The following DPP6 variants were observed in gnomAD, a reference collection of about 807,000 sequenced individuals.
DPP6 encodes A-type potassium channel modulatory protein DPP6.
Under a neutral mutation model 122.6 loss-of-function variants are expected in DPP6, and 69 were observed. The ratio of observed to expected loss-of-function variants is 0.56; its 90% confidence interval spans 0.46 to 0.69. The LOEUF is 0.69. Ranked by LOEUF, DPP6 falls within the 30% of genes least tolerant of loss-of-function variation. The probability of loss-of-function intolerance (pLI) is 0.00; values close to 1 mark genes in which losing one functional copy is unlikely to be tolerated. For synonymous variants in DPP6, 418 were observed against 433.1 expected (o/e 0.97, Z 0.43); for missense variants, 928 against 1,116.9 (o/e 0.83, Z 2.41).
At chr7:154,638,177 G>A (rs1274025240) in intron 6 of DPP6, among the ~76,000 whole-genome samples, 9 of 152,148 alleles carry the variant, frequency 5.9e-5, no homozygotes, top group Non-Finnish European at 1.2e-4. Flanking sequence ...ATTCCCCTCT[G>A]CTTTGTAATC....
At chr7:154,379,704 T>G (rs1813428512) in intron 1 of DPP6, among the ~76,000 whole-genome samples, 1 of 152,210 alleles carries the variant, frequency 6.6e-6, no homozygotes, top group African/African-American at 2.4e-5. Flanking sequence ...TGTCATAGAT[T>G]ATTGGGGATA....
At chr7:153,988,688 C>T (rs1796969967) in intron 1 of DPP6, among the ~76,000 whole-genome samples, 2 of 152,240 alleles carry the variant, frequency 1.3e-5, no homozygotes, top group Non-Finnish European at 2.9e-5. Flanking sequence ...GATGGCACGT[C>T]GGGGTGGGCA....
At chr7:153,888,899 C>G (rs1799067095) in intron 1 of DPP6, among the ~76,000 whole-genome samples, 1 of 152,056 alleles carries the variant, frequency 6.6e-6, no homozygotes, top group Non-Finnish European at 1.5e-5. Context: ...GCAGAGGCAC[C>G]TTTGCGGGAA....
At chr7:154,889,220 G>A (rs372421232) in intron 23 of DPP6, 52 bp from the exon 24 acceptor site, 20 of 1,582,568 alleles carry the variant, frequency 1.3e-5, no homozygotes, top group Admixed American at 1.8e-5. Context: ...AGAACACCTG[G>A]CTCCCTGCAG....
chr7:154,078,947 A>C (rs1351153178), intron 1 of DPP6, among the ~76,000 whole-genome samples: 3 of 17,882 alleles, frequency 1.7e-4, no homozygotes, highest in Non-Finnish European at 2.8e-4. Context: ...ATTCTTTTCC[A>C]AAAAAAAAAA....
chr7:154,278,443 G>A (rs990235687), intron 1 of DPP6, among the ~76,000 whole-genome samples: 3 of 152,222 alleles, frequency 2.0e-5, no homozygotes, highest in African/African-American at 7.2e-5. Flanking sequence ...TCCAGCTGCT[G>A]CTGTAACTGC....
the DPP6 span, among the ~76,000 whole-genome samples, chr7:153,813,052 G>A: frequency 6.6e-6 from 1 of 151,800 alleles, no homozygotes; most frequent in African/African-American, 2.4e-5. Context: ...AAGTTTTAGG[G>A]TACATGTGCA....
chr7:154,664,421 G>T (rs1050935467), intron 6 of DPP6, among the ~76,000 whole-genome samples: 1 of 152,188 alleles, frequency 6.6e-6, no homozygotes, highest in Non-Finnish European at 1.5e-5. Flanking sequence ...CTAACAAACT[G>T]AATTTCAATA....
the DPP6 span, among the ~76,000 whole-genome samples, chr7:153,880,042 T>C: frequency 1.3e-5 from 2 of 152,304 alleles, no homozygotes; most frequent in South Asian, 4.1e-4. Flanking sequence ...TGCCATCTTA[T>C]AGGAAAATTA....
intron 3 of DPP6, among the ~76,000 whole-genome samples, chr7:154,531,576 A>C (rs1431183584): frequency 6.6e-6 from 1 of 152,236 alleles, no homozygotes; most frequent in Non-Finnish European, 1.5e-5. Flanking sequence ...ATGGAAACTC[A>C]AATCTTGATA....
upstream of DPP6, among the ~76,000 whole-genome samples, chr7:154,050,530 C>A (rs539218967): frequency 9.2e-5 from 14 of 151,918 alleles, no homozygotes; most frequent in Admixed American, 2.6e-4. Context: ...CATGAGCTTT[C>A]TTTCATGTCC....
At chr7:154,872,840 GTCAGGT>G (rs1804512561) in intron 19 of DPP6, 147 bp downstream of exon 19, 1 of 1,458,172 alleles carries the variant, frequency 6.9e-7, no homozygotes. Flanking sequence ...TTAGCCCAAT[GTCAGGT>G]TCTTTAGGAA....
chr7:154,706,044 A>T (rs992135545), intron 7 of DPP6, among the ~76,000 whole-genome samples: 2 of 152,132 alleles, frequency 1.3e-5, no homozygotes, highest in African/African-American at 4.8e-5. Flanking sequence ...TGGAAAACAA[A>T]ATTCTCACCT....
intron 1 of DPP6, among the ~76,000 whole-genome samples, chr7:153,910,528 A>T (rs375101450): frequency 6.6e-6 from 1 of 151,990 alleles, no homozygotes; most frequent in East Asian, 1.9e-4. Context: ...AGATGGCCTC[A>T]TTCATCTACA....
rs1390520255 is a variant in DPP6, at chr7:154,062,810, AG to A, written c.243+9753del. 5.0e-5 allele frequency among the ~76,000 whole-genome samples: 4 copies of A among 80,506 alleles called. 1 individual carries two copies. Among genetic ancestry groups the A allele is most frequent in the South Asian group, 5.6e-4 (1 of 1,790 alleles). The allele number at this position is 80,506 out of a possible 152,430, so 52.8% of individuals were successfully genotyped here. A position where few individuals can be genotyped will look rare whatever the true frequency, so the allele number is the denominator to read the frequency against. The stretch of plus-strand genomic sequence containing the variant: ...CTGGCTCTTAGGACCCCCATCGCAG[AG>A]GGGGGAGGCACCCCCCGCGAGGCGG... On this transcript the variant is annotated intron_variant, in intron 1 of 25. Coordinates refer to ENST00000377770, the MANE Select transcript of DPP6 (RefSeq NM_130797.4).
chr7:154,808,581 A>C (rs1181868383), intron 16 of DPP6, among the ~76,000 whole-genome samples: 4 of 152,118 alleles, frequency 2.6e-5, no homozygotes, highest in African/African-American at 9.7e-5. Context: ...CCAGAAGTTG[A>C]GTGGATTCCC....
rs558692146 is a variant in DPP6 at position 154,893,473 on chromosome 7, A to G, written c.*993A>G. The G allele has an allele frequency of 2.1e-5, 3 of 142,170 alleles. No individual in the cohort carries two copies. The highest frequency in any genetic ancestry group is 4.7e-5 in the Non-Finnish European group (3 of 64,226). 8.8% of individuals were successfully genotyped at this position (142,170 alleles called of 1,614,324 possible). Reference sequence around the variant, plus strand: ...GGTTTAAAAAAAAAAAAAAAAAAAAAAAAAAAACAGAAAAAAGACAAAGCG... The same window carrying G: ...GGTTTAAAAAAAAAAAAAAAAAAAAGAAAAAAACAGAAAAAAGACAAAGCG... On this transcript the variant is annotated 3_prime_UTR_variant, in exon 26 of 26. Coordinates refer to ENST00000377770, the MANE Select transcript of DPP6 (RefSeq NM_130797.4).
At chr7:154,089,994 T>C (rs1375215267) in intron 1 of DPP6, among the ~76,000 whole-genome samples, 1 of 152,234 alleles carries the variant, frequency 6.6e-6, no homozygotes, top group Admixed American at 6.5e-5. Context: ...ACCAGACTGT[T>C]TTGTTGTAAA....
intron 16 of DPP6, among the ~76,000 whole-genome samples, chr7:154,817,107 T>A (rs1404414336): frequency 6.6e-6 from 1 of 152,190 alleles, no homozygotes; most frequent in Non-Finnish European, 1.5e-5. Flanking sequence ...AGGGGAAATG[T>A]CCACGAAGGT....
Sources: gnomAD v4.1 joint callset for allele counts (sites outside exome capture counted in the v4.1 genomes callset) on GRCh38, gnomAD v4.1.1 for gene constraint, MANE v1.5 for transcripts, NCBI Gene and HGNC (gene_info 2026-07-23, HGNC 2026-07-21) for gene names.